Variants in PRKG1 observed in about 807,000 individuals in gnomAD.
PRKG1 encodes protein kinase cGMP-dependent 1.
A neutral mutation model predicts 88.1 loss-of-function variants in PRKG1; 35 were observed. The ratio of observed to expected loss-of-function variants is 0.40; its 90% CI spans 0.30 to 0.53. The LOEUF (loss-of-function observed/expected upper bound fraction) is 0.53. Ranked by LOEUF, PRKG1 falls within the 20% of genes least tolerant of loss-of-function variation. The pLI, the probability that PRKG1 is intolerant of heterozygous loss-of-function variation, is 0.59. For missense variants in PRKG1, 540 were observed against 839.8 expected (o/e 0.64, Z 4.41); for synonymous variants, 303 against 292.5 (o/e 1.04, Z -0.37).
chr10:52,151,799 A>G (rs956466863), intron 8 of PRKG1, among the ~76,000 whole-genome samples: 3 of 152,244 alleles, frequency 2.0e-5, no homozygotes, highest in African/African-American at 7.2e-5. Flanking sequence ...GCTAAGAACT[A>G]TCACCTGAGA....
intron 3 of PRKG1, among the ~76,000 whole-genome samples, chr10:51,702,453 A>G (rs934281204): frequency 7.2e-5 from 11 of 152,294 alleles, no homozygotes; most frequent in Admixed American, 6.5e-4. Context: ...TCTAACTTGG[A>G]AGAACATCCA....
chr10:50,998,566 G>A (rs926777982), intron 1 of PRKG1, among the ~76,000 whole-genome samples: 1 of 152,140 alleles, frequency 6.6e-6, no homozygotes, highest in Admixed American at 6.5e-5. Context: ...TGGCCAAAAT[G>A]GTGAAACACC....
intron 3 of PRKG1, among the ~76,000 whole-genome samples, chr10:51,690,139 G>C (rs1018785746): frequency 2.6e-5 from 4 of 152,058 alleles, no homozygotes; most frequent in African/African-American, 9.7e-5. Context: ...GAGAGCAGAG[G>C]GGGAGGTGCT....
At chr10:52,244,725 T>G (rs1840961950) in intron 9 of PRKG1, among the ~76,000 whole-genome samples, 1 of 144,436 alleles carries the variant, frequency 6.9e-6, no homozygotes, top group South Asian at 2.1e-4. Flanking sequence ...ACTTTAAAAA[T>G]ATATACTTTA....
intron 8 of PRKG1, among the ~76,000 whole-genome samples, chr10:52,147,210 A>T (rs1013885754): frequency 2.6e-5 from 4 of 152,224 alleles, no homozygotes; most frequent in African/African-American, 9.6e-5. Flanking sequence ...GAAAGGGTAG[A>T]CAAAAGAAAA....
At chr10:51,534,088 A>G (rs1842082157) in intron 3 of PRKG1, among the ~76,000 whole-genome samples, 1 of 152,182 alleles carries the variant, frequency 6.6e-6, no homozygotes, top group Non-Finnish European at 1.5e-5. Flanking sequence ...AAAGAAAGAA[A>G]AGAGAAGGCA....
At chr10:52,077,243 G>A (rs979035610) in intron 7 of PRKG1, among the ~76,000 whole-genome samples, 1 of 151,998 alleles carries the variant, frequency 6.6e-6, no homozygotes, top group Non-Finnish European at 1.5e-5. Flanking sequence ...GTGAAATAGT[G>A]ATGTACTCAG....
At chr10:51,079,322 A>G (rs947626303) in intron 1 of PRKG1, among the ~76,000 whole-genome samples, 6 of 152,216 alleles carry the variant, frequency 3.9e-5, no homozygotes, top group African/African-American at 1.4e-4. Flanking sequence ...GAGTTGGCAA[A>G]ATATAATCAA....
intron 3 of PRKG1, among the ~76,000 whole-genome samples, chr10:51,586,368 G>A (rs1430292922): frequency 6.6e-6 from 1 of 152,038 alleles, no homozygotes; most frequent in Non-Finnish European, 1.5e-5. Flanking sequence ...TAGCATTTCA[G>A]GGAAAAAGTA....
chr10:51,737,740 A>ATTTATTAATTATTATT lies in PRKG1; in HGVS notation c.593-66845_593-66844insTTTATTAATTATTATT, dbSNP rs765792966. 2.2e-5 allele frequency among the ~76,000 whole-genome samples: 3 copies of ATTTATTAATTATTATT among 133,424 alleles called. No homozygotes were observed. The South Asian group carries it at 7.2e-4, about 32-fold the overall frequency. The allele number at this position is 133,424 out of a possible 152,430, so 87.5% of individuals were successfully genotyped here. A position where few individuals can be genotyped will look rare whatever the true frequency, so the allele number is the denominator to read the frequency against. ...TTATTTATTTATTTATTTATTTATT[A>ATTTATTAATTATTATT]ATTATTATTATTATTATTATTATTA... On this transcript the variant is annotated intron_variant, in intron 3 of 17. Coordinates refer to ENST00000373980, the MANE Select transcript of PRKG1 (RefSeq NM_006258.4).
intron 5 of PRKG1, among the ~76,000 whole-genome samples, chr10:51,916,664 C>T (rs1213867120): frequency 1.3e-5 from 2 of 152,170 alleles, no homozygotes; most frequent in African/African-American, 4.8e-5. Context: ...CAATTCTGCT[C>T]CTAGGTGCAT....
At chr10:51,152,176 C>T (rs967407179) in intron 1 of PRKG1, among the ~76,000 whole-genome samples, 3 of 152,064 alleles carry the variant, frequency 2.0e-5, no homozygotes, top group African/African-American at 7.2e-5. Context: ...CTTATCCCAG[C>T]AAATAAATAT....
chr10:51,530,011 G>A (rs1288810412), intron 3 of PRKG1, among the ~76,000 whole-genome samples: 6 of 152,016 alleles, frequency 3.9e-5, no homozygotes, highest in African/African-American at 1.2e-4. Flanking sequence ...TAACTAGTCT[G>A]GAAGCAATTG....
intron 3 of PRKG1, among the ~76,000 whole-genome samples, chr10:51,653,432 GTT>G (rs1449287603): frequency 1.6e-4 from 25 of 151,948 alleles, no homozygotes; most frequent in African/African-American, 5.8e-4. Flanking sequence ...TCACATTGAG[GTT>G]TTGATTTCCA....
At chr10:51,252,744 G>C (rs1248300787) in intron 2 of PRKG1, among the ~76,000 whole-genome samples, 1 of 151,722 alleles carries the variant, frequency 6.6e-6, no homozygotes, top group Non-Finnish European at 1.5e-5. Context: ...GAATAGTTCT[G>C]AATGGCAGTT....
rs777039881 is a variant in PRKG1 at position 52,242,285 on chromosome 10, C to T, written c.1077-9285C>T. ...AACTCAGGACTGAGGTTCAGAGAGACGCAGAAGAAAATGAAGAAATTAACT... is the reference window on the plus strand; with the variant it reads ...AACTCAGGACTGAGGTTCAGAGAGATGCAGAAGAAAATGAAGAAATTAACT... On this transcript the variant is annotated intron_variant, in intron 9 of 17. Coordinates refer to ENST00000373980, the MANE Select transcript of PRKG1 (RefSeq NM_006258.4). The T allele has an allele frequency of 5.3e-5, 8 of 152,044 alleles. No homozygotes were observed. In the East Asian group the frequency reaches 5.8e-4, roughly 11 times the overall value. The allele number at this position is 152,044 out of a possible 1,614,324, so 9.4% of individuals were successfully genotyped here.
At chr10:51,125,436 T>C (rs2131923764) in intron 1 of PRKG1, among the ~76,000 whole-genome samples, 1 of 150,870 alleles carries the variant, frequency 6.6e-6, no homozygotes, top group East Asian at 1.9e-4. Flanking sequence ...GCCTGTAATC[T>C]CAGCATTTTA....
At chr10:51,157,399 C>T (rs1047808738) in intron 2 of PRKG1, among the ~76,000 whole-genome samples, 1 of 151,844 alleles carries the variant, frequency 6.6e-6, no homozygotes, top group African/African-American at 2.4e-5. Context: ...TTTAGTGAGT[C>T]TTACAGAATA....
rs766423513 is a variant in PRKG1, at chr10:51,847,840, TAAAAAAAAAAAAAA to T, written c.698+43174_698+43187del. 8.5e-3 allele frequency among the ~76,000 whole-genome samples: 298 copies of T among 35,222 alleles called. 3 individuals are homozygous for T. The highest frequency in any genetic ancestry group is 0.016 in the African/African-American group (151 of 9,704). The allele number at this position is 35,222 out of a possible 152,430, so 23.1% of individuals were successfully genotyped here. ...AACATAGAGAGACTCAAGACTCTGT[TAAAAAAAAAAAAAA>T]AAAAAAAAAAAAAAAAAAAAAAAGA... On this transcript the variant is annotated intron_variant, in intron 4 of 17. Coordinates refer to ENST00000373980, the MANE Select transcript of PRKG1 (RefSeq NM_006258.4).
Sources: allele counts gnomAD v4.1 joint callset (sites outside exome capture counted in the v4.1 genomes callset), GRCh38; gene constraint gnomAD v4.1.1; transcripts MANE v1.5; gene names NCBI Gene and HGNC (gene_info 2026-07-23, HGNC 2026-07-21).